POM121C: variants seen among roughly 807,000 people sequenced by gnomAD.
The protein encoded by POM121C is POM121 transmembrane nucleoporin C.
POM121C carries 20 observed loss-of-function variants against 66.4 expected under a neutral mutation model. The ratio of observed to expected loss-of-function variants is 0.30; its 90% CI spans 0.21 to 0.44. POM121C has a LOEUF of 0.44. Ranked by LOEUF, POM121C falls within the 20% of genes least tolerant of loss-of-function variation. The pLI is 1.00. For missense variants in POM121C, 580 were observed against 1,225.7 expected (o/e 0.47, Z 7.87); for synonymous variants, 286 against 528.0 (o/e 0.54, Z 6.28).
At chr7:75,444,588 C>T (rs1435306222) in intron 3 of POM121C, among the ~76,000 whole-genome samples, 1 of 116,572 alleles carries the variant, frequency 8.6e-6, no homozygotes, top group African/African-American at 2.6e-5. Flanking sequence ...TAGCCTGAGC[C>T]CTCGGGGCAC....
At chr7:75,485,184 A>G (rs1792473871) in intron 1 of POM121C, among the ~76,000 whole-genome samples, 1 of 152,218 alleles carries the variant, frequency 6.6e-6, no homozygotes, top group South Asian at 2.1e-4. Context: ...TTAAAATAAA[A>G]TAAGCCATAG....
Position 75,418,469 on chromosome 7 carries a change from A to G in POM121C, c.*327T>C. ...GACGACGGCTCTCGGGGAAAGGTGGAAGGGGCGCCTGCCTAAGGGTGCGCT... is the reference window on the plus strand; with the variant it reads ...GACGACGGCTCTCGGGGAAAGGTGGGAGGGGCGCCTGCCTAAGGGTGCGCT... On this transcript the variant is annotated 3_prime_UTR_variant, in exon 15 of 15. Transcript: ENST00000615331. The G allele has an allele frequency of 9.3e-7, 1 of 1,071,434 alleles. No individual in the cohort carries two copies. The highest frequency in any genetic ancestry group is 1.1e-6 in the Non-Finnish European group (1 of 885,968). 66.4% of individuals were successfully genotyped at this position (1,071,434 alleles called of 1,614,324 possible).
In POM121C at chr7:75,424,647, A is replaced by C. The variant is rs782503818; in HGVS notation, c.769-19T>G. 6 of 1,613,406 alleles carry C rather than the reference A, an allele frequency of 3.7e-6. No individual in the cohort carries two copies. The highest frequency in any genetic ancestry group is 5.1e-6 in the Non-Finnish European group (6 of 1,179,490). Reference sequence around the variant, plus strand: ...GTGGAGGCTACCAAAGAGAAAAAGAAGAAGTCAGGCCAATCAGAAAAAACG... The same window carrying C: ...GTGGAGGCTACCAAAGAGAAAAAGACGAAGTCAGGCCAATCAGAAAAAACG... On this transcript the variant is annotated intron_variant, in intron 10 of 14. Transcript: ENST00000615331.
chr7:75,475,630 C>G (rs1167930588), intron 1 of POM121C, among the ~76,000 whole-genome samples: 1 of 151,566 alleles, frequency 6.6e-6, no homozygotes, highest in Non-Finnish European at 1.5e-5. Context: ...ACTCACTGCT[C>G]TGGGGCTCTC....
At chr7:75,481,858 G>C (rs3973299) in intron 1 of POM121C, among the ~76,000 whole-genome samples, 55,310 of 151,902 alleles carry the variant, frequency 0.36, 12,688 homozygotes, top group East Asian at 0.89. Flanking sequence ...AAATAAAGAA[G>C]AAATGGTAGA....
At chr7:75,479,485 G>A (rs587646589) in intron 1 of POM121C, among the ~76,000 whole-genome samples, 1,596 of 149,628 alleles carry the variant, frequency 0.011, 50 homozygotes, top group African/African-American at 0.036. Context: ...GCGTGATGGT[G>A]GGTGTCTGTA....
At chr7:75,485,778 C>T (rs1554480800) in intron 1 of POM121C, 86 bp downstream of exon 1, 2 of 433,130 alleles carry the variant, frequency 4.6e-6, no homozygotes, top group East Asian at 1.4e-4. Context: ...TCGGGACCCT[C>T]CCTCTGCCCC....
chr7:75,477,105 G>A (rs1351145957), intron 1 of POM121C, among the ~76,000 whole-genome samples: 3 of 45,196 alleles, frequency 6.6e-5, no homozygotes, highest in East Asian at 1.2e-3. Flanking sequence ...TACAGTTTGC[G>A]TGTATACACA....
intron 3 of POM121C, chr7:75,442,739 G>A (rs6966722): frequency 0.088 from 118,286 of 1,346,410 alleles, 3,737 homozygotes; most frequent in Non-Finnish European, 0.097. Context: ...GCGCCGCGGA[G>A]GAGACTTAAA....
At chr7:75,418,953 T>C (rs1789581210) in intron 14 of POM121C, 60 bp from the exon 15 acceptor site, 2 of 1,521,406 alleles carry the variant, frequency 1.3e-6, no homozygotes, top group Admixed American at 4.6e-5. Flanking sequence ...TGGCTCTGGG[T>C]GCCCAAATCT....
At chr7:75,419,699 G>A (rs1303627177) in intron 13 of POM121C, 7 of 493,368 alleles carry the variant, frequency 1.4e-5, no homozygotes, top group South Asian at 2.6e-5. Context: ...CAGCCACCTC[G>A]TGGGCCTCCT....
At chr7:75,440,773 G>A in intron 5 of POM121C, 181 bp downstream of exon 5, 2 of 1,008,124 alleles carry the variant, frequency 2.0e-6, no homozygotes, top group South Asian at 3.1e-5. Context: ...GATCTAACCT[G>A]TGCCTTGAAA....
rs1268698656 is a variant in POM121C at position 75,461,049 on chromosome 7, C to T, written c.-152+13655G>A. On this transcript the variant is annotated intron_variant, in intron 3 of 14. Transcript: ENST00000615331. ...ACAAATTTCAGTGACCACACAAGCACAAGGAAGAAACACTTTGCAAAAATA... is the reference window on the plus strand; with the variant it reads ...ACAAATTTCAGTGACCACACAAGCATAAGGAAGAAACACTTTGCAAAAATA... 5.9e-5 allele frequency among the ~76,000 whole-genome samples: 9 copies of T among 152,022 alleles called. 1 individual carries two copies. The highest frequency in any genetic ancestry group is 2.2e-4 in the African/African-American group (9 of 41,338).
At chr7:75,433,512 C>T (rs760855990) in intron 7 of POM121C, among the ~76,000 whole-genome samples, 8 of 151,850 alleles carry the variant, frequency 5.3e-5, no homozygotes, top group African/African-American at 7.3e-5. Context: ...CCCGCCACCA[C>T]GCCCAGCTAA....
At chr7:75,462,676 T>G (rs1383986764) in intron 3 of POM121C, among the ~76,000 whole-genome samples, 1 of 151,972 alleles carries the variant, frequency 6.6e-6, no homozygotes, top group Non-Finnish European at 1.5e-5. Context: ...CAGCTGCCTT[T>G]GTTTCACCTA....
At chr7:75,468,231 G>A (rs1584706877) in intron 3 of POM121C, among the ~76,000 whole-genome samples, 3 of 150,716 alleles carry the variant, frequency 2.0e-5, no homozygotes, top group South Asian at 4.2e-4. Context: ...CGCTCCAGTC[G>A]GAGACAAACT....
chr7:75,468,263 C>T (rs1312521264), intron 3 of POM121C, among the ~76,000 whole-genome samples: 1 of 150,472 alleles, frequency 6.6e-6, no homozygotes, highest in Non-Finnish European at 1.5e-5. Flanking sequence ...TCCCAGGTAT[C>T]TCATCCCGTT....
chr7:75,432,053 G>A (rs1418120326), intron 7 of POM121C, among the ~76,000 whole-genome samples: 14 of 151,884 alleles, frequency 9.2e-5, no homozygotes, highest in African/African-American at 1.7e-4. Flanking sequence ...AGTGGCATGC[G>A]CCTGCACCTA....
intron 3 of POM121C, among the ~76,000 whole-genome samples, chr7:75,450,037 G>C (rs1790968757): frequency 6.6e-6 from 1 of 151,758 alleles, no homozygotes; most frequent in Non-Finnish European, 1.5e-5. Context: ...GAAACAAGCA[G>C]AAATGCCAGA....
Sources: allele counts gnomAD v4.1 joint callset (sites outside exome capture counted in the v4.1 genomes callset), GRCh38; gene constraint gnomAD v4.1.1; transcripts MANE v1.5; gene names NCBI Gene and HGNC (gene_info 2026-07-23, HGNC 2026-07-21).